The following DCLK1 variants were observed in gnomAD, a reference collection of about 807,000 sequenced individuals.
The protein encoded by DCLK1 is doublecortin like kinase 1, also known as serine/threonine-protein kinase DCLK1.
DCLK1 carries 16 observed loss-of-function variants against 86.2 expected under a neutral mutation model. The observed-to-expected ratio is 0.19, with a 90% CI of 0.13 to 0.28. The LOEUF (loss-of-function observed/expected upper bound fraction) is 0.28, where lower values mean the gene tolerates loss of function less well. Ranked by LOEUF, DCLK1 falls within the 10% of genes least tolerant of loss-of-function variation. The pLI is 1.00. For missense variants in DCLK1, 590 were observed against 940.2 expected, an observed-to-expected ratio of 0.63 and a Z score of 4.87; for synonymous variants, 369 against 370.5, an observed-to-expected ratio of 1.00 and a Z score of 0.05.
At chr13:35,916,977 T>G (rs1429818432) in intron 4 of DCLK1, among the ~76,000 whole-genome samples, 1 of 152,178 alleles carries the variant, frequency 6.6e-6, no homozygotes, top group Non-Finnish European at 1.5e-5. Context: ...ACAGGTGGCC[T>G]TCTTCTACCT....
intron 3 of DCLK1, among the ~76,000 whole-genome samples, chr13:35,962,664 T>A (rs930891917): frequency 6.6e-6 from 1 of 152,216 alleles, no homozygotes; most frequent in African/African-American, 2.4e-5. Flanking sequence ...ACAAAACAAC[T>A]GTTAAAAGGC....
chr13:35,915,960 T>C (rs968463007), intron 4 of DCLK1, among the ~76,000 whole-genome samples: 4 of 152,204 alleles, frequency 2.6e-5, no homozygotes, highest in Admixed American at 1.3e-4. Flanking sequence ...AGAGTAAGTA[T>C]TTTAAAACAA....
intron 8 of DCLK1, among the ~76,000 whole-genome samples, chr13:35,831,240 C>CT (rs1473744008): frequency 6.6e-6 from 1 of 152,140 alleles, no homozygotes; most frequent in African/African-American, 2.4e-5. Flanking sequence ...TGCATCTTTT[C>CT]TTTTTTGATT....
intron 3 of DCLK1, among the ~76,000 whole-genome samples, chr13:36,085,852 G>T (rs1278649372): frequency 7.9e-5 from 12 of 152,106 alleles, no homozygotes; most frequent in African/African-American, 2.9e-4. Context: ...CCTATCCTTG[G>T]ATTCCCCTTT....
At chr13:35,936,603 A>T (rs887199025) in intron 4 of DCLK1, among the ~76,000 whole-genome samples, 5 of 152,178 alleles carry the variant, frequency 3.3e-5, no homozygotes, top group African/African-American at 1.2e-4. Flanking sequence ...TAAGTGCTTG[A>T]TCAGTGTCCT....
rs559801320 is a variant in DCLK1, at chr13:35,782,834, GGT to G, written c.2059-8137_2059-8136del. ...TTAGACATATTTTCCCCCTAGAAAG[GGT>G]GTTGGAAAACTCTTCTGGAGAGGGC... On this transcript the variant is annotated intron_variant, in intron 16 of 16. Coordinates refer to ENST00000360631, the MANE Select transcript of DCLK1 (RefSeq NM_001330071.2). 2.6e-3 allele frequency among the ~76,000 whole-genome samples: 395 copies of G among 152,310 alleles called. 1 individual carries two copies. Among genetic ancestry groups the G allele is most frequent in the African/African-American group, 9.2e-3 (383 of 41,568 alleles).
At chr13:35,790,126 G>T (rs1286028384) in intron 16 of DCLK1, among the ~76,000 whole-genome samples, 1 of 152,056 alleles carries the variant, frequency 6.6e-6, no homozygotes, top group Non-Finnish European at 1.5e-5. Context: ...ATATAAAGTT[G>T]TCATTTGTCC....
chr13:35,796,800 T>G (rs2086821300), intron 15 of DCLK1, among the ~76,000 whole-genome samples: 1 of 152,178 alleles, frequency 6.6e-6, no homozygotes, highest in Admixed American at 6.5e-5. Flanking sequence ...GCTTAACTGA[T>G]AAATGGAAAT....
chr13:35,958,474 AACCATC>A (rs1878269242), intron 3 of DCLK1, among the ~76,000 whole-genome samples: 1 of 149,836 alleles, frequency 6.7e-6, no homozygotes, highest in Non-Finnish European at 1.5e-5. Context: ...CCACCACTAT[AACCATC>A]ACCACCACTA....
At chr13:35,802,280 C>T (rs1438191924) in intron 15 of DCLK1, among the ~76,000 whole-genome samples, 7 of 150,030 alleles carry the variant, frequency 4.7e-5, no homozygotes, top group African/African-American at 7.4e-5. Flanking sequence ...TGCAGTGAGC[C>T]ATGATTGAGC....
rs962688016 is a variant in DCLK1 at position 35,771,577 on chromosome 13, C to A, written c.*2958G>T. The A allele has an allele frequency of 6.6e-6, 1 of 152,054 alleles. No homozygotes were observed. The highest frequency in any genetic ancestry group is 6.5e-5 in the Admixed American group (1 of 15,270). The allele number at this position is 152,054 out of a possible 1,614,324, so 9.4% of individuals were successfully genotyped here. ...CACATGTCTACAGAGATGATTTACA[C>A]GATGCAAGTAATGAAAGAGTTCTTC... On this transcript the variant is annotated 3_prime_UTR_variant, in exon 17 of 17. Transcript: ENST00000360631.
At chr13:36,043,036 A>T (rs1406156005) in intron 3 of DCLK1, among the ~76,000 whole-genome samples, 1 of 152,194 alleles carries the variant, frequency 6.6e-6, no homozygotes, top group African/African-American at 2.4e-5. Flanking sequence ...TTAGAGGGAA[A>T]AAAAGTTTGT....
At chr13:36,124,146 G>A (rs1469152980) in intron 2 of DCLK1, among the ~76,000 whole-genome samples, 1 of 152,172 alleles carries the variant, frequency 6.6e-6, no homozygotes, top group Non-Finnish European at 1.5e-5. Context: ...GGCCCTCAGA[G>A]GGACGGCTTG....
chr13:35,882,689 G>T (rs1177905729), intron 4 of DCLK1, among the ~76,000 whole-genome samples: 2 of 151,876 alleles, frequency 1.3e-5, no homozygotes, highest in Admixed American at 6.6e-5. Context: ...CCCTGCAAAA[G>T]GAACAATTCC....
chr13:35,990,352 A>T (rs1270791458), intron 3 of DCLK1, among the ~76,000 whole-genome samples: 1 of 152,190 alleles, frequency 6.6e-6, no homozygotes, highest in Non-Finnish European at 1.5e-5. Flanking sequence ...CACCTTGCCC[A>T]GGCCTTTGAA....
At chr13:35,860,020 C>G (rs191687956) in intron 5 of DCLK1, among the ~76,000 whole-genome samples, 1 of 152,182 alleles carries the variant, frequency 6.6e-6, no homozygotes, top group African/African-American at 2.4e-5. Context: ...AGATGTGCAA[C>G]TTTTTGGACG....
In DCLK1 at chr13:35,904,819, T is replaced by C. The variant is rs141177536; in HGVS notation, c.824-33479A>G. Among the ~76,000 whole-genome samples, 238 of 152,300 alleles carry C rather than the reference T, an allele frequency of 1.6e-3. 2 individuals are homozygous for C. Among genetic ancestry groups the C allele is most frequent in the African/African-American group, 5.3e-3 (221 of 41,578 alleles). On this transcript the variant is annotated intron_variant, in intron 4 of 16. Coordinates refer to ENST00000360631, the MANE Select transcript of DCLK1 (RefSeq NM_001330071.2). ...GTACAGTAGGCAGCAATCTGCAAAATTGCAAAGGGGCATTTTGGCTTTTTG... is the reference window on the plus strand; with the variant it reads ...GTACAGTAGGCAGCAATCTGCAAAACTGCAAAGGGGCATTTTGGCTTTTTG...
chr13:36,042,149 G>A (rs74394514), intron 3 of DCLK1, among the ~76,000 whole-genome samples: 7,158 of 152,246 alleles, frequency 0.047, 172 homozygotes, highest in Middle Eastern at 0.092. Flanking sequence ...GATCACACAT[G>A]AGGGAATATT....
At chr13:35,983,761 T>A (rs1267611978) in intron 3 of DCLK1, among the ~76,000 whole-genome samples, 1 of 152,186 alleles carries the variant, frequency 6.6e-6, no homozygotes, top group African/African-American at 2.4e-5. Flanking sequence ...AGAAATTTTT[T>A]AAAAAAGTTT....
Sources: allele counts gnomAD v4.1 joint callset (sites outside exome capture counted in the v4.1 genomes callset), GRCh38; gene constraint gnomAD v4.1.1; transcripts MANE v1.5; gene names NCBI Gene and HGNC (gene_info 2026-07-23, HGNC 2026-07-21).